DAPK2: variants seen among roughly 807,000 people sequenced by gnomAD.
The protein encoded by DAPK2 is death-associated protein kinase 2.
DAPK2 carries 35 observed loss-of-function variants against 44.1 expected under a neutral mutation model. That is an observed-to-expected ratio of 0.79 (90% CI 0.61 to 1.05). DAPK2 has a LOEUF of 1.05. Among genes scored for constraint, DAPK2 ranks in the 50% least tolerant of loss-of-function variants. The pLI is 0.00. For missense variants in DAPK2, 453 were observed against 483.2 expected (o/e 0.94, Z 0.59); for synonymous variants, 174 against 182.6 (o/e 0.95, Z 0.38).
chr15:63,910,849 C>T (rs1204183237), intron 10 of DAPK2: 1 of 152,262 alleles, frequency 6.6e-6, no homozygotes, highest in Non-Finnish European at 1.5e-5. Flanking sequence ...CGAACCACTA[C>T]TGCCAGCCTA....
chr15:63,929,746 C>A (rs769041543), intron 5 of DAPK2, 169 bp from the exon 7 acceptor site: 1 of 797,580 alleles, frequency 1.3e-6, no homozygotes, highest in South Asian at 1.4e-5. Flanking sequence ...AGCAGCAGCC[C>A]GGGGTGTGTT....
At chr15:64,005,530 C>T (rs58578622) in intron 1 of DAPK2, among the ~76,000 whole-genome samples, 6,193 of 151,960 alleles carry the variant, frequency 0.041, 429 homozygotes, top group African/African-American at 0.14. Context: ...GGGAGGACAG[C>T]CATGTGCCCT....
In DAPK2 at chr15:63,936,797, T is replaced by C. The variant is rs28521869; in HGVS notation, c.583+2435A>G. ...GAGTTTGAGATCAGCCTGGGCAATA[T>C]AGTGAGACCCCACCTCAAAAAAATT... On this transcript the variant is annotated intron_variant, in intron 4 of 10. Coordinates refer to ENST00000261891, the Ensembl canonical transcript of DAPK2. 6.0e-3 allele frequency among the ~76,000 whole-genome samples: 912 copies of C among 151,610 alleles called. 8 individuals are homozygous for C. Among genetic ancestry groups the C allele is most frequent in the African/African-American group, 0.021 (877 of 41,304 alleles).
At chr15:63,967,195 T>G (rs61574786) in intron 3 of DAPK2, among the ~76,000 whole-genome samples, 12,122 of 151,752 alleles carry the variant, frequency 0.08, 657 homozygotes, top group African/African-American at 0.16. Flanking sequence ...AATAAATAAA[T>G]AAAATAAAAT....
At chr15:63,960,007 T>A (rs1027734714) in intron 3 of DAPK2, among the ~76,000 whole-genome samples, 1 of 152,174 alleles carries the variant, frequency 6.6e-6, no homozygotes, top group Non-Finnish European at 1.5e-5. Context: ...GTTGGTAGGC[T>A]ATTAATTATT....
intron 1 of DAPK2, among the ~76,000 whole-genome samples, chr15:64,022,776 A>C (rs576975890): frequency 6.6e-6 from 1 of 152,158 alleles, no homozygotes; most frequent in Non-Finnish European, 1.5e-5. Flanking sequence ...CCAAGATCAC[A>C]TCACTGCACT....
rs993413247 is a variant in DAPK2, at chr15:64,013,592, G to C, written c.92+26578C>G. On this transcript the variant is annotated intron_variant, in intron 1 of 10. Coordinates refer to ENST00000261891, the Ensembl canonical transcript of DAPK2. The surrounding 1 kb of genome is among the most constrained non-coding windows in gnomAD (Gnocchi z 4.7). ...TAGAAAGGCCCTGAGATACCATCTA[G>C]CCTAACCCTCACATTGCCAGAGAAG... Among the ~76,000 whole-genome samples the C allele has an allele frequency of 6.6e-6, 1 of 152,212 alleles. No homozygotes were observed. The highest frequency in any genetic ancestry group is 1.5e-5 in the Non-Finnish European group (1 of 68,040).
intron 4 of DAPK2, among the ~76,000 whole-genome samples, chr15:63,934,403 C>T (rs540498030): frequency 1.3e-5 from 2 of 151,642 alleles, no homozygotes; most frequent in Admixed American, 1.3e-4. Flanking sequence ...ATTACAGGCA[C>T]CCACCACCAC....
chr15:63,972,407 G>A (rs1052762203), intron 2 of DAPK2, among the ~76,000 whole-genome samples: 2 of 152,188 alleles, frequency 1.3e-5, no homozygotes, highest in Admixed American at 6.5e-5. Flanking sequence ...CCTGGTGAGG[G>A]ATCACAAAGA....
intron 1 of DAPK2, among the ~76,000 whole-genome samples, chr15:63,989,854 G>A (rs2078769891): frequency 6.6e-6 from 1 of 151,986 alleles, no homozygotes; most frequent in African/African-American, 2.4e-5. Context: ...ATTATACCTG[G>A]CTAATTTTTG....
intron 3 of DAPK2, among the ~76,000 whole-genome samples, chr15:63,956,482 T>C (rs2077725744): frequency 6.6e-6 from 1 of 152,132 alleles, no homozygotes; most frequent in South Asian, 2.1e-4. Flanking sequence ...TTCAGAAGCA[T>C]ATTATTTAAT....
chr15:63,924,680 T>C, intron 8 of DAPK2, 136 bp downstream of exon 9: 3 of 934,304 alleles, frequency 3.2e-6, no homozygotes, highest in Non-Finnish European at 4.9e-6. Flanking sequence ...GGCCCCTGGC[T>C]AGCTTTCATC....
rs894700474 is a variant in DAPK2, at chr15:64,040,095, C to T, written c.92+75G>A. The T allele has an allele frequency of 2.7e-5, 33 of 1,215,204 alleles. No homozygotes were observed. In the African/African-American group the frequency reaches 4.9e-4, roughly 18 times the overall value. The allele number at this position is 1,215,204 out of a possible 1,614,324, so 75.3% of individuals were successfully genotyped here. A position where few individuals can be genotyped will look rare whatever the true frequency, so the allele number is the denominator to read the frequency against. ...GTCCTGTGGCCCTGCCTTCCAACAC[C>T]AACTGACAACTGTGCCAGAAGAAGC... On this transcript the variant is annotated intron_variant, in intron 1 of 10. Coordinates refer to ENST00000261891, the Ensembl canonical transcript of DAPK2.
intron 2 of DAPK2, among the ~76,000 whole-genome samples, chr15:63,974,454 A>G (rs2078292910): frequency 6.6e-6 from 1 of 152,184 alleles, no homozygotes; most frequent in Admixed American, 6.5e-5. Flanking sequence ...CTTGAAGGTG[A>G]GGATAGGGGG....
Position 63,923,472 on chromosome 15 carries a change from A to C in DAPK2, c.858+1344T>G. 2 of 1,444,654 alleles carry C rather than the reference A, an allele frequency of 1.4e-6. No individual in the cohort carries two copies. The highest frequency in any genetic ancestry group is 1.4e-5 in the South Asian group (1 of 69,334). 89.5% of individuals were successfully genotyped at this position (1,444,654 alleles called of 1,614,324 possible). A position where few individuals can be genotyped will look rare whatever the true frequency, so the allele number is the denominator to read the frequency against. The stretch of plus-strand genomic sequence containing the variant: ...ACTGCATGCGTCAGGCCATGGGGAG[A>C]ACCAGGGTGGGATGAGCACCTCCTT... On this transcript the variant is annotated intron_variant, in intron 8 of 10. Transcript: ENST00000261891. The surrounding 1 kb of genome is among the most constrained non-coding windows in gnomAD (Gnocchi z 4.2).
chr15:63,959,655 G>A lies in DAPK2; in HGVS notation c.453+11768C>T, dbSNP rs556509698. 2.0e-3 allele frequency among the ~76,000 whole-genome samples: 304 copies of A among 152,262 alleles called. 1 individual carries two copies. The highest frequency in any genetic ancestry group is 6.6e-3 in the African/African-American group (275 of 41,542). On this transcript the variant is annotated intron_variant, in intron 3 of 10. Coordinates refer to ENST00000261891, the Ensembl canonical transcript of DAPK2. ...TGGTTCTGTTTATATGATGGATTACGTTTATTGATTTGCATATGTTGAACC... is the reference window on the plus strand; with the variant it reads ...TGGTTCTGTTTATATGATGGATTACATTTATTGATTTGCATATGTTGAACC...
intron 4 of DAPK2, among the ~76,000 whole-genome samples, chr15:63,930,820 AG>A (rs1288285343): frequency 6.6e-6 from 1 of 152,162 alleles, no homozygotes; most frequent in African/African-American, 2.4e-5. Context: ...GCACTTTGGG[AG>A]GCTGAGGCAG....
chr15:64,026,264 G>A (rs192154903), intron 1 of DAPK2, among the ~76,000 whole-genome samples: 1 of 151,958 alleles, frequency 6.6e-6, no homozygotes, highest in East Asian at 1.9e-4. Flanking sequence ...TTTTTTTTAA[G>A]GCAGTCTCTC....
intron 3 of DAPK2, among the ~76,000 whole-genome samples, chr15:63,959,783 C>T (rs1227680384): frequency 6.6e-6 from 1 of 152,084 alleles, no homozygotes. Context: ...AGTTTTGCAT[C>T]GATGTTCATT....
Sources: allele counts gnomAD v4.1 joint callset (sites outside exome capture counted in the v4.1 genomes callset), GRCh38; gene constraint gnomAD v4.1.1; non-coding constraint Gnocchi (gnomAD v3.1); transcripts MANE v1.5; gene names NCBI Gene and HGNC (gene_info 2026-07-23, HGNC 2026-07-21).